EIF2B3: variants seen among roughly 807,000 people sequenced by gnomAD.
EIF2B3 encodes the protein eukaryotic translation initiation factor 2B subunit gamma.
In EIF2B3, 20 loss-of-function variants were observed where a neutral mutation model predicts 54.1. That is an observed-to-expected ratio of 0.37 (90% confidence interval 0.26 to 0.54). The LOEUF is 0.54. EIF2B3 is among the 20% of genes least tolerant of loss of function. The pLI is 0.86. For missense variants in EIF2B3, 448 were observed against 547.8 expected (o/e 0.82, Z 1.82); for synonymous variants, 153 against 188.1 (o/e 0.81, Z 1.52).
intron 6 of EIF2B3, among the ~76,000 whole-genome samples, chr1:44,888,508 A>G (rs1283757346): frequency 4.1e-5 from 6 of 147,636 alleles, no homozygotes; most frequent in Admixed American, 4.0e-4. Context: ...TCTCTGTGCA[A>G]ATTGGCTGAA....
rs1655402960 is a variant in EIF2B3 at position 44,881,590 on chromosome 1, C to T, written c.784+22G>A. The T allele has an allele frequency of 6.2e-7, 1 of 1,613,632 alleles. No individual in the cohort carries two copies. Among genetic ancestry groups the T allele is most frequent in the East Asian group, 2.2e-5 (1 of 44,856 alleles). On this transcript the variant is annotated intron_variant, in intron 7 of 11. Coordinates refer to ENST00000360403, the MANE Select transcript of EIF2B3 (RefSeq NM_020365.5). The surrounding 1 kb of genome is among the most constrained non-coding windows in gnomAD (Gnocchi z 4.0). Reference sequence around the variant, plus strand: ...GGTGCTGCTACCCTTGCCCCTCTTACTGAACCAACCCAAGAACTGACCTAA... The same window carrying T: ...GGTGCTGCTACCCTTGCCCCTCTTATTGAACCAACCCAAGAACTGACCTAA...
chr1:44,947,662 G>C (rs1182832630), intron 3 of EIF2B3, among the ~76,000 whole-genome samples: 2 of 152,092 alleles, frequency 1.3e-5, no homozygotes, highest in African/African-American at 4.8e-5. Context: ...GAAAAAAACT[G>C]TCAGGGCAAG....
At chr1:44,865,737 C>G (rs1186268676) in intron 10 of EIF2B3, among the ~76,000 whole-genome samples, 2 of 152,108 alleles carry the variant, frequency 1.3e-5, no homozygotes, top group East Asian at 3.9e-4. Flanking sequence ...CATGCGCCAC[C>G]ACGCCCGAGT....
intron 3 of EIF2B3, among the ~76,000 whole-genome samples, chr1:44,954,688 C>A (rs1227513002): frequency 1.3e-5 from 2 of 152,152 alleles, no homozygotes; most frequent in Non-Finnish European, 2.9e-5. Flanking sequence ...AATTTGACTT[C>A]CTCTCTTCCT....
chr1:44,952,143 T>A (rs572239759), intron 3 of EIF2B3, among the ~76,000 whole-genome samples: 1 of 137,912 alleles, frequency 7.3e-6, no homozygotes, highest in African/African-American at 2.7e-5. Flanking sequence ...TTTTGTATTT[T>A]TAGTAGAGAC....
chr1:44,962,859 T>C (rs1407028023), intron 3 of EIF2B3, among the ~76,000 whole-genome samples: 1 of 152,232 alleles, frequency 6.6e-6, no homozygotes, highest in Non-Finnish European at 1.5e-5. Flanking sequence ...ATATAGTTCT[T>C]GCCTCACAGT....
At chr1:44,891,701 C>A (rs1177238706) in intron 6 of EIF2B3, among the ~76,000 whole-genome samples, 1 of 152,098 alleles carries the variant, frequency 6.6e-6, no homozygotes. Flanking sequence ...AGTCATAACA[C>A]CCTTCTCAAA....
intron 5 of EIF2B3, among the ~76,000 whole-genome samples, chr1:44,905,488 G>A (rs12093313): frequency 0.25 from 37,225 of 151,916 alleles, 5,543 homozygotes; most frequent in African/African-American, 0.43. Flanking sequence ...ACGAGCTTCC[G>A]TAATTGTGTA....
intron 3 of EIF2B3, among the ~76,000 whole-genome samples, chr1:44,942,571 G>A (rs1318831982): frequency 6.7e-6 from 1 of 148,784 alleles, no homozygotes; most frequent in East Asian, 2.0e-4. Flanking sequence ...GGGACTACAG[G>A]TATGTACCAC....
chr1:44,929,815 T>C (rs953268755), intron 4 of EIF2B3, among the ~76,000 whole-genome samples: 4 of 152,248 alleles, frequency 2.6e-5, no homozygotes, highest in Admixed American at 2.6e-4. Flanking sequence ...TGCACTTTAG[T>C]CATTTTTCTC....
At chr1:44,970,649 T>C (rs79420875) in intron 3 of EIF2B3, among the ~76,000 whole-genome samples, 1,625 of 152,330 alleles carry the variant, frequency 0.011, 33 homozygotes, top group African/African-American at 0.037. Context: ...TAGCAAACAC[T>C]GACAACTTAC....
chr1:44,919,956 G>A (rs1035023882), intron 5 of EIF2B3, among the ~76,000 whole-genome samples: 6 of 145,930 alleles, frequency 4.1e-5, no homozygotes, highest in African/African-American at 1.3e-4. Flanking sequence ...TCCTGACCTC[G>A]TGATCCGCCC....
intron 6 of EIF2B3, among the ~76,000 whole-genome samples, chr1:44,888,416 C>T (rs1163838270): frequency 6.6e-6 from 1 of 151,866 alleles, no homozygotes; most frequent in Admixed American, 6.6e-5. Flanking sequence ...AACCCAGAAA[C>T]GGGACATGCC....
chr1:44,972,270 TACACACACAA>T (rs1176237173), intron 3 of EIF2B3, among the ~76,000 whole-genome samples: 1 of 72,302 alleles, frequency 1.4e-5, no homozygotes, highest in Non-Finnish European at 2.6e-5. Flanking sequence ...CACACACATA[TACACACACAA>T]ACACACACAT....
Position 44,897,455 on chromosome 1 carries a change from AT to A in EIF2B3, c.567-12del. 6.3e-7 allele frequency: 1 copy of A among 1,589,828 alleles called. No homozygotes were observed. The highest frequency in any genetic ancestry group is 8.6e-7 in the Non-Finnish European group (1 of 1,165,188). ...CGTATTCTAGGATGCCTGCAAAAAA[AT>A]AAAAAATAAAAGAAAGAAAGAAGAG... On this transcript the variant is annotated splice_polypyrimidine_tract_variant and intron_variant, in intron 5 of 11. Coordinates refer to ENST00000360403, the MANE Select transcript of EIF2B3 (RefSeq NM_020365.5).
rs1381473197 is a variant in EIF2B3, at chr1:44,984,797, C to T, written c.-10+1696G>A. ...GTAAAGCAGACAAAATAATGTCCAT[C>T]TTTTTTTTTTTTTTTTTTTTGAGAC... On this transcript the variant is annotated intron_variant, in intron 1 of 11. Transcript: ENST00000360403. 1.4e-3 allele frequency among the ~76,000 whole-genome samples: 124 copies of T among 88,508 alleles called. 1 individual carries two copies. Among genetic ancestry groups the T allele is most frequent in the African/African-American group, 2.4e-3 (45 of 18,580 alleles). 58.1% of individuals were successfully genotyped at this position (88,508 alleles called of 152,430 possible). A position where few individuals can be genotyped will look rare whatever the true frequency, so the allele number is the denominator to read the frequency against.
At chr1:44,916,599 T>A (rs1643627903) in intron 5 of EIF2B3, among the ~76,000 whole-genome samples, 1 of 146,678 alleles carries the variant, frequency 6.8e-6, no homozygotes. Flanking sequence ...GGTGGGAGGA[T>A]CACTTGAGCC....
intron 1 of EIF2B3, among the ~76,000 whole-genome samples, chr1:44,985,057 C>T (rs1169942027): frequency 3.9e-5 from 6 of 151,974 alleles, no homozygotes; most frequent in African/African-American, 4.8e-5. Flanking sequence ...CCACCCGCCT[C>T]GGCCTCCCAA....
chr1:44,908,119 C>CT (rs1372302128), intron 5 of EIF2B3, among the ~76,000 whole-genome samples: 3 of 152,126 alleles, frequency 2.0e-5, no homozygotes, highest in African/African-American at 7.2e-5. Context: ...TCAGCTCTGC[C>CT]TATAAAGACT....
Sources: gnomAD v4.1 joint callset for allele counts (sites outside exome capture counted in the v4.1 genomes callset) on GRCh38, gnomAD v4.1.1 for gene constraint, Gnocchi (gnomAD v3.1) non-coding constraint, MANE v1.5 for transcripts, NCBI Gene and HGNC (gene_info 2026-07-23, HGNC 2026-07-21) for gene names.